The following MRAP2 variants were observed in gnomAD, a reference collection of about 807,000 sequenced individuals.
MRAP2 encodes the protein melanocortin-2 receptor accessory protein 2.
Under a neutral mutation model 17.4 loss-of-function variants are expected in MRAP2, and 20 were observed. That is an observed-to-expected ratio of 1.15 (90% CI 0.81 to 1.67). The LOEUF (loss-of-function observed/expected upper bound fraction) is 1.67, where lower values mean the gene tolerates loss of function less well. Ranked by LOEUF, MRAP2 falls within the 40% of genes most tolerant of loss-of-function variation. The pLI, the probability that MRAP2 is intolerant of heterozygous loss-of-function variation, is 0.00. For synonymous variants in MRAP2, 96 were observed against 88.4 expected, an observed-to-expected ratio of 1.09 and a Z score of -0.48; for missense variants, 238 against 240.0, an observed-to-expected ratio of 0.99 and a Z score of 0.05.
the MRAP2 span, among the ~76,000 whole-genome samples, chr6:84,142,679 C>G: frequency 6.6e-6 from 1 of 152,116 alleles, no homozygotes. Flanking sequence ...ATAATGCAGA[C>G]ATACAACCCT....
Position 84,089,657 on chromosome 6 carries a change from T to TTTTTG in MRAP2, c.*191_*195dup, listed in dbSNP as rs1022015104. On this transcript the variant is annotated 3_prime_UTR_variant, in exon 4 of 4. Transcript: ENST00000257776. ...AGCTGAGCTGATTAAGCTGAGTGGT[T>TTTTTG]TTTTGTTTTGTTTTGTTTTTGCTTT... is the stretch of plus-strand genomic sequence containing the variant. 2 of 725,070 alleles carry TTTTTG rather than the reference T, an allele frequency of 2.8e-6. No homozygotes were observed. Among genetic ancestry groups the TTTTTG allele is most frequent in the East Asian group, 2.7e-5 (1 of 36,638 alleles). 44.9% of individuals were successfully genotyped at this position (725,070 alleles called of 1,614,324 possible). A position where few individuals can be genotyped will look rare whatever the true frequency, so the allele number is the denominator to read the frequency against.
At chr6:84,039,602 G>A (rs2099486997) in intron 1 of MRAP2, among the ~76,000 whole-genome samples, 1 of 152,194 alleles carries the variant, frequency 6.6e-6, no homozygotes, top group Non-Finnish European at 1.5e-5. Flanking sequence ...TGTTGCTCGT[G>A]TTTCTGTTAT....
chr6:84,135,526 C>T, the MRAP2 span, among the ~76,000 whole-genome samples: 34 of 152,292 alleles, frequency 2.2e-4, no homozygotes, highest in South Asian at 4.2e-4. Flanking sequence ...CTACACATCT[C>T]AATTTAAACT....
the MRAP2 span, among the ~76,000 whole-genome samples, chr6:84,120,038 G>T: frequency 5.9e-5 from 9 of 152,198 alleles, no homozygotes; most frequent in Admixed American, 3.9e-4. Flanking sequence ...CTGGAGAAAT[G>T]AAAGCCAGAG....
the MRAP2 span, among the ~76,000 whole-genome samples, chr6:84,121,487 T>C: frequency 6.6e-6 from 1 of 152,112 alleles, no homozygotes; most frequent in East Asian, 1.9e-4. Context: ...CTACTAAAAA[T>C]ATAAAATATT....
chr6:84,082,535 G>A (rs186753540), intron 3 of MRAP2, among the ~76,000 whole-genome samples: 9 of 152,160 alleles, frequency 5.9e-5, no homozygotes, highest in Admixed American at 2.0e-4. Context: ...TTTCTTATAC[G>A]AAATTATTCT....
chr6:84,089,305 A>G lies in MRAP2; in HGVS notation c.442A>G (p.Ile148Val), dbSNP rs1342909946. The change falls in exon 4 of 4, where the codon ATC becomes GTC. Residue 148 changes from isoleucine to valine, a missense_variant. By Grantham distance (29) the Ile-to-Val change is conservative (BLOSUM62 3). Transcript: ENST00000257776. The part of the protein sequence containing the change: ...LDSDVQLQEA[I>V]RSSGQPEEEL... Reference sequence around the variant, plus strand: ...CAGTGACGTCCAACTCCAGGAAGCCATCAGAAGCAGTGGGCAGCCAGAGGA... The same window carrying G: ...CAGTGACGTCCAACTCCAGGAAGCCGTCAGAAGCAGTGGGCAGCCAGAGGA... 1.9e-6 allele frequency: 3 copies of G among 1,614,250 alleles called. No homozygotes were observed. The highest frequency in any genetic ancestry group is 1.3e-5 in the African/African-American group (1 of 75,064).
intron 3 of MRAP2, among the ~76,000 whole-genome samples, chr6:84,070,071 T>C (rs1029065269): frequency 3.3e-5 from 5 of 152,158 alleles, no homozygotes; most frequent in Admixed American, 3.3e-4. Flanking sequence ...TTTTGTATTT[T>C]TTTGGTTTCA....
At chr6:84,098,888 AGTTTGTGG>A in the MRAP2 span, among the ~76,000 whole-genome samples, 1 of 152,208 alleles carries the variant, frequency 6.6e-6, no homozygotes, top group African/African-American at 2.4e-5. Flanking sequence ...AGTTTCTCTC[AGTTTGTGG>A]GTTGTCTTTT....
chr6:84,038,445 A>C (rs771695009), intron 1 of MRAP2, among the ~76,000 whole-genome samples: 2 of 152,228 alleles, frequency 1.3e-5, no homozygotes, highest in East Asian at 3.9e-4. Flanking sequence ...TTTGTTTCCA[A>C]AGATTAGACA....
intron 2 of MRAP2, 43 bp from the exon 3 acceptor site, chr6:84,062,850 A>G (rs745390356): frequency 1.1e-5 from 17 of 1,612,730 alleles, no homozygotes; most frequent in Non-Finnish European, 8.5e-7. Context: ...TTCAAGTTTT[A>G]AACTACTGTG....
the MRAP2 span, among the ~76,000 whole-genome samples, chr6:84,138,687 A>C: frequency 4.1e-4 from 63 of 152,328 alleles, no homozygotes; most frequent in African/African-American, 1.5e-3. Context: ...TTAAAGTAAG[A>C]ACTGTCTTAC....
chr6:84,120,175 A>G, the MRAP2 span, among the ~76,000 whole-genome samples: 1 of 152,208 alleles, frequency 6.6e-6, no homozygotes, highest in South Asian at 2.1e-4. Flanking sequence ...TTAGCTCCAG[A>G]GAGGGCAAAT....
chr6:84,056,275 A>G (rs543168250), intron 2 of MRAP2, among the ~76,000 whole-genome samples: 1 of 152,354 alleles, frequency 6.6e-6, no homozygotes, highest in African/African-American at 2.4e-5. Flanking sequence ...GCTTAGAATC[A>G]GAGAAACAAA....
At chr6:84,074,333 G>T (rs1436425825) in intron 3 of MRAP2, among the ~76,000 whole-genome samples, 2 of 152,172 alleles carry the variant, frequency 1.3e-5, no homozygotes, top group East Asian at 1.9e-4. Context: ...TTACATATCT[G>T]GCTCTCTGGG....
At chr6:84,118,551 TGG>T in the MRAP2 span, among the ~76,000 whole-genome samples, 1 of 152,040 alleles carries the variant, frequency 6.6e-6, no homozygotes, top group Non-Finnish European at 1.5e-5. Flanking sequence ...TGTGCTGCAC[TGG>T]GGGAACGCTT....
chr6:84,128,138 T>C, the MRAP2 span, among the ~76,000 whole-genome samples: 2 of 152,206 alleles, frequency 1.3e-5, no homozygotes, highest in African/African-American at 4.8e-5. Flanking sequence ...TGTTTAACAA[T>C]TATTCATGAA....
At chr6:84,046,886 C>T (rs1309868511) in intron 1 of MRAP2, among the ~76,000 whole-genome samples, 1 of 150,158 alleles carries the variant, frequency 6.7e-6, no homozygotes, top group African/African-American at 2.4e-5. Flanking sequence ...CACACATATT[C>T]TCCCACCTGT....
At position 84,089,236 on chromosome 6, in the gene MRAP2, C is replaced by T. The variant is rs148904867; in HGVS notation, c.373C>T (p.Arg125Cys). 4.3e-4 allele frequency: 693 copies of T among 1,614,036 alleles called. 1 individual carries two copies. The highest frequency in any genetic ancestry group is 5.4e-4 in the Non-Finnish European group (639 of 1,180,040). ...LFHCYINEVE[R>C]LDRAKACHQT... ...TCACTGCTACATCAATGAGGTGGAA[C>T]GCTTGGACAGAGCCAAAGCTTGTCA... is the stretch of plus-strand genomic sequence containing the variant. The change falls in exon 4 of 4, where the codon CGC becomes TGC. Residue 125 changes from arginine to cysteine, a missense_variant. Coordinates refer to ENST00000257776, the MANE Select transcript of MRAP2 (RefSeq NM_138409.4).
Sources: gnomAD v4.1 joint callset for allele counts (sites outside exome capture counted in the v4.1 genomes callset) on GRCh38, gnomAD v4.1.1 for gene constraint, MANE v1.5 for transcripts, NCBI Gene and HGNC (gene_info 2026-07-23, HGNC 2026-07-21) for gene names.